CDH2: variants seen among roughly 807,000 people sequenced by gnomAD.
CDH2 encodes the protein cadherin-2.
In CDH2, 17 loss-of-function variants were observed where a neutral mutation model predicts 92.0. That is an observed-to-expected ratio of 0.18 (90% CI 0.13 to 0.28). CDH2 has a LOEUF of 0.28. Ranked by LOEUF, CDH2 falls within the 10% of genes least tolerant of loss-of-function variation. The pLI is 1.00. For synonymous variants in CDH2, 419 were observed against 415.9 expected, an observed-to-expected ratio of 1.01 and a Z score of -0.09; for missense variants, 862 against 1,133.1, an observed-to-expected ratio of 0.76 and a Z score of 3.44.
intron 14 of CDH2, among the ~76,000 whole-genome samples, chr18:27,964,322 C>A (rs2011485356): frequency 6.6e-6 from 1 of 152,108 alleles, no homozygotes; most frequent in South Asian, 2.1e-4. Context: ...AGGTTGGGCC[C>A]TCAGAACTAT....
chr18:27,959,057 AAAG>A (rs1241220904), intron 15 of CDH2, among the ~76,000 whole-genome samples: 1 of 152,192 alleles, frequency 6.6e-6, no homozygotes, highest in African/African-American at 2.4e-5. Flanking sequence ...GTATATATAT[AAAG>A]AAGTTTATTT....
intron 15 of CDH2, among the ~76,000 whole-genome samples, chr18:27,960,017 A>ACACAC (rs2011356355): frequency 7.5e-5 from 2 of 26,738 alleles, no homozygotes; most frequent in South Asian, 2.0e-3. Flanking sequence ...CCTGTCTCTT[A>ACACAC]AAACACACAC....
intron 15 of CDH2, among the ~76,000 whole-genome samples, chr18:27,956,440 A>T (rs2011248383): frequency 1.3e-5 from 2 of 152,172 alleles, no homozygotes; most frequent in Non-Finnish European, 1.5e-5. Context: ...TTTTATGAGG[A>T]TAAAAACCCA....
intron 14 of CDH2, among the ~76,000 whole-genome samples, chr18:27,969,910 G>A (rs2011615456): frequency 6.6e-6 from 1 of 152,202 alleles, no homozygotes; most frequent in South Asian, 2.1e-4. Context: ...TGAGGCAGGA[G>A]AATCGCTAGA....
intron 2 of CDH2, among the ~76,000 whole-genome samples, chr18:28,100,931 A>G (rs1209260451): frequency 6.6e-6 from 1 of 152,194 alleles, no homozygotes; most frequent in African/African-American, 2.4e-5. Flanking sequence ...AGCTAATACC[A>G]TAAAAAAGAG....
intron 2 of CDH2, among the ~76,000 whole-genome samples, chr18:28,138,689 GT>G (rs1273561519): frequency 1.3e-5 from 2 of 152,078 alleles, no homozygotes; most frequent in Non-Finnish European, 2.9e-5. Flanking sequence ...CTATTGCGCA[GT>G]TCCTTGAGAA....
chr18:28,088,481 C>T (rs2014977762), intron 2 of CDH2, among the ~76,000 whole-genome samples: 1 of 152,136 alleles, frequency 6.6e-6, no homozygotes, highest in Admixed American at 6.5e-5. Context: ...CTCAGATACC[C>T]TTTCTAAATT....
intron 5 of CDH2, among the ~76,000 whole-genome samples, chr18:28,006,474 T>A (rs561757988): frequency 6.6e-6 from 1 of 151,908 alleles, no homozygotes; most frequent in Non-Finnish European, 1.5e-5. Context: ...TCCCAGCACA[T>A]TGGGAGGCCA....
chr18:27,938,221 C>A (rs1909063706), intron 6 of CDH2, among the ~76,000 whole-genome samples: 2 of 152,034 alleles, frequency 1.3e-5, no homozygotes, highest in Non-Finnish European at 2.9e-5. Context: ...CAAACAGATG[C>A]CAGCATTATG....
In CDH2 at chr18:28,099,210, C is replaced by T. The variant is rs1158557266; in HGVS notation, c.172+48463G>A. 2.0e-5 allele frequency among the ~76,000 whole-genome samples: 3 copies of T among 152,116 alleles called. No individual in the cohort carries two copies. The South Asian group carries it at 6.2e-4, about 31-fold the overall frequency. On this transcript the variant is annotated intron_variant, in intron 2 of 15. Coordinates refer to ENST00000269141, the MANE Select transcript of CDH2 (RefSeq NM_001792.5). The stretch of plus-strand genomic sequence containing the variant: ...AAACTAACACTAACAAAATCCTTTA[C>T]AATTTTGGTGTTTACATTATATTTT...
intron 5 of CDH2, among the ~76,000 whole-genome samples, chr18:28,008,169 A>G (rs567353881): frequency 1.3e-5 from 2 of 152,364 alleles, no homozygotes; most frequent in African/African-American, 4.8e-5. Flanking sequence ...GAGATCCTTA[A>G]GAATTTTAAA....
intron 2 of CDH2, among the ~76,000 whole-genome samples, chr18:28,071,805 G>A (rs1457202868): frequency 1.3e-5 from 2 of 151,998 alleles, no homozygotes; most frequent in Non-Finnish European, 2.9e-5. Flanking sequence ...TCTAACCCAA[G>A]TTTGGTTTCT....
intron 15 of CDH2, among the ~76,000 whole-genome samples, chr18:27,962,470 A>G (rs1374286337): frequency 1.3e-5 from 2 of 152,198 alleles, no homozygotes; most frequent in Admixed American, 1.3e-4. Flanking sequence ...GAGGAAGCCC[A>G]GGATACAAGA....
In CDH2 at chr18:28,003,070, G is replaced by C; in HGVS notation, c.947C>G (p.Pro316Arg). 1 of 1,614,052 alleles carries C rather than the reference G, an allele frequency of 6.2e-7. No individual in the cohort carries two copies. The highest frequency in any genetic ancestry group is 2.2e-5 in the East Asian group (1 of 44,872). Residue 316 changes from proline (P) to arginine (R), a missense_variant, in exon 7 of 16, where the codon CCT becomes CGT. This residue lies in a region of CDH2 where 564 missense variants were observed against 722.2 expected (regional missense o/e 0.78). Transcript: ENST00000269141. The part of the protein sequence containing the change: ...YRIVSQAPST[P>R]SPNMFTINNE... ...GTTGATTGTAAACATGTTGGGTGAAGGGGTGCTTGGAGCCTGAGACACGAT... is the reference window on the plus strand; with the variant it reads ...GTTGATTGTAAACATGTTGGGTGAACGGGTGCTTGGAGCCTGAGACACGAT...
chr18:27,978,196 A>G lies in CDH2; in HGVS notation c.2349+4748T>C, dbSNP rs75262525. Among the ~76,000 whole-genome samples the G allele has an allele frequency of 2.1e-3, 316 of 152,324 alleles. 1 individual carries two copies. The highest frequency in any genetic ancestry group is 7.5e-3 in the African/African-American group (311 of 41,578). ...TAAGTACACTTAAAAAATAAGATAA[A>G]TGGTTTATTTTTCTTAAAGAAAAAG... On this transcript the variant is annotated intron_variant, in intron 14 of 15. Transcript: ENST00000269141.
rs17522271 is a variant in CDH2 at position 27,985,379 on chromosome 18, G to A, written c.1976-146C>T. ...CTGCATTCTAAATACTTTTTTGGCCGTAAAGGCCTTTAATATCTTACTTAA... is the reference window on the plus strand; with the variant it reads ...CTGCATTCTAAATACTTTTTTGGCCATAAAGGCCTTTAATATCTTACTTAA... On this transcript the variant is annotated intron_variant, in intron 12 of 15. Transcript: ENST00000269141. 1.8e-3 allele frequency: 1,405 copies of A among 787,076 alleles called. 13 individuals carry two copies. In the African/African-American group the frequency reaches 0.021, roughly 12 times the overall value. 48.8% of individuals were successfully genotyped at this position (787,076 alleles called of 1,614,324 possible).
chr18:28,143,832 A>C (rs985148302), intron 2 of CDH2, among the ~76,000 whole-genome samples: 1 of 152,022 alleles, frequency 6.6e-6, no homozygotes, highest in South Asian at 2.1e-4. Flanking sequence ...AAAGAATGAG[A>C]TCATTTCCTT....
intron 2 of CDH2, chr18:28,045,434 T>C (rs2014054939): frequency 2.1e-6 from 1 of 468,214 alleles, no homozygotes; most frequent in Non-Finnish European, 4.4e-6. Context: ...ACACATGTCC[T>C]TCAACAATGT....
intron 2 of CDH2, among the ~76,000 whole-genome samples, chr18:28,083,874 C>A (rs2014877580): frequency 6.6e-6 from 1 of 152,148 alleles, no homozygotes; most frequent in South Asian, 2.1e-4. Context: ...GGCTTGTGAG[C>A]AACTCCTCAC....
Sources: allele counts gnomAD v4.1 joint callset (sites outside exome capture counted in the v4.1 genomes callset), GRCh38; gene constraint gnomAD v4.1.1; regional missense constraint gnomAD v4.1.1; transcripts MANE v1.5; gene names NCBI Gene and HGNC (gene_info 2026-07-23, HGNC 2026-07-21).